The following SHTN1 variants were observed in gnomAD, a reference collection of about 807,000 sequenced individuals.
SHTN1 encodes the protein shootin 1.
Under a neutral mutation model 83.1 loss-of-function variants are expected in SHTN1, and 42 were observed. That is an observed-to-expected ratio of 0.51 (90% CI 0.39 to 0.65). The LOEUF (loss-of-function observed/expected upper bound fraction) is 0.65, where lower values mean the gene tolerates loss of function less well. Ranked by LOEUF, SHTN1 falls within the 30% of genes least tolerant of loss-of-function variation. The pLI is 0.00. For missense variants in SHTN1, 622 were observed against 737.8 expected, an observed-to-expected ratio of 0.84 and a Z score of 1.82; for synonymous variants, 224 against 247.7, an observed-to-expected ratio of 0.90 and a Z score of 0.90.
intron 2 of SHTN1, among the ~76,000 whole-genome samples, chr10:117,021,364 C>A (rs1027320212): frequency 6.6e-6 from 1 of 152,086 alleles, no homozygotes; most frequent in Admixed American, 6.6e-5. Flanking sequence ...GAGATCATGC[C>A]ACTGCACTCC....
At chr10:116,904,437 C>CT (rs779336840) in intron 15 of SHTN1, among the ~76,000 whole-genome samples, 4,331 of 144,714 alleles carry the variant, frequency 0.03, 90 homozygotes, top group African/African-American at 0.049. Flanking sequence ...TGTTTCCTTC[C>CT]TTTTTTTTTT....
intron 1 of SHTN1, among the ~76,000 whole-genome samples, chr10:117,118,053 C>T (rs1198351122): frequency 6.6e-6 from 1 of 152,012 alleles, no homozygotes; most frequent in East Asian, 1.9e-4. Context: ...TTACATTGAG[C>T]TAAAAAGCTT....
chr10:117,023,847 T>C (rs1327088288), intron 2 of SHTN1: 1 of 152,702 alleles, frequency 6.5e-6, no homozygotes. Context: ...TGTAGTTATA[T>C]ACGTATTTCC....
At chr10:116,904,437 CT>C (rs779336840) in intron 15 of SHTN1, among the ~76,000 whole-genome samples, 217 of 144,672 alleles carry the variant, frequency 1.5e-3, no homozygotes, top group Middle Eastern at 3.6e-3. Flanking sequence ...TGTTTCCTTC[CT>C]TTTTTTTTTT....
chr10:117,011,870 G>A (rs1589894859), intron 2 of SHTN1, among the ~76,000 whole-genome samples: 1 of 152,138 alleles, frequency 6.6e-6, no homozygotes, highest in East Asian at 1.9e-4. Context: ...GCGGGGCGCG[G>A]TGGCTCACGC....
chr10:116,934,354 A>C (rs1849077687), intron 9 of SHTN1, among the ~76,000 whole-genome samples: 1 of 152,210 alleles, frequency 6.6e-6, no homozygotes, highest in Non-Finnish European at 1.5e-5. Context: ...GATTTACGTA[A>C]GGAAGAGGTC....
chr10:116,945,585 A>G (rs1232045128), intron 7 of SHTN1, among the ~76,000 whole-genome samples: 1 of 152,222 alleles, frequency 6.6e-6, no homozygotes, highest in East Asian at 1.9e-4. Flanking sequence ...AAAGATGCTC[A>G]TCTTCATTAG....
chr10:117,086,236 C>T (rs984211253), intron 1 of SHTN1, among the ~76,000 whole-genome samples: 29 of 152,144 alleles, frequency 1.9e-4, no homozygotes, highest in African/African-American at 3.9e-4. Flanking sequence ...CGCGCCCGGC[C>T]GTCTGAAATT....
At chr10:116,920,492 C>G (rs1391856758) in intron 12 of SHTN1, among the ~76,000 whole-genome samples, 1 of 152,164 alleles carries the variant, frequency 6.6e-6, no homozygotes, top group Non-Finnish European at 1.5e-5. Context: ...TCTCTCTACC[C>G]CTGCTGCTAC....
At chr10:117,031,656 A>G (rs1276835150) in intron 2 of SHTN1, among the ~76,000 whole-genome samples, 1 of 152,190 alleles carries the variant, frequency 6.6e-6, no homozygotes, top group Non-Finnish European at 1.5e-5. Flanking sequence ...TATTTATGCA[A>G]ACAGGGTTAA....
chr10:117,070,731 T>G, intron 1 of SHTN1, among the ~76,000 whole-genome samples: 1 of 150,276 alleles, frequency 6.7e-6, no homozygotes, highest in South Asian at 2.1e-4. Flanking sequence ...AAGAGATCAG[T>G]TTGGCGGTAA....
intron 2 of SHTN1, chr10:116,973,800 C>G: frequency 9.2e-7 from 1 of 1,091,322 alleles, no homozygotes; most frequent in Non-Finnish European, 1.2e-6. Context: ...CCAGTTACAA[C>G]AGTTAAAGAT....
chr10:117,051,119 A>G (rs941904221), intron 1 of SHTN1, among the ~76,000 whole-genome samples: 3 of 152,184 alleles, frequency 2.0e-5, no homozygotes, highest in Non-Finnish European at 2.9e-5. Flanking sequence ...AAGGGAATAC[A>G]ATAAACTACT....
chr10:117,052,350 C>A (rs533352456), intron 1 of SHTN1, among the ~76,000 whole-genome samples: 26 of 152,054 alleles, frequency 1.7e-4, no homozygotes, highest in African/African-American at 6.0e-4. Flanking sequence ...TGGCAGTGTT[C>A]CCCAAAGCTA....
rs779722320 is a variant in SHTN1, at chr10:116,911,567, G to A, written c.1359+223C>T. The A allele has an allele frequency of 1.7e-5, 27 of 1,550,766 alleles. No homozygotes were observed. In the South Asian group the frequency reaches 3.1e-4, roughly 18 times the overall value. Reference sequence around the variant, plus strand: ...ACAGGAAACAATGACTTTGGTGAAAGTGTAACCACTCTTTTAGAACAAAAA... The same window carrying A: ...ACAGGAAACAATGACTTTGGTGAAAATGTAACCACTCTTTTAGAACAAAAA... On this transcript the variant is annotated intron_variant, in intron 14 of 16. Transcript: ENST00000355371.
chr10:117,013,959 A>C lies in SHTN1; in HGVS notation c.-123+34486T>G, dbSNP rs577270766. Among the ~76,000 whole-genome samples the C allele has an allele frequency of 1.4e-4, 22 of 152,320 alleles. 2 individuals carry two copies. The highest frequency in any genetic ancestry group is 5.3e-4 in the African/African-American group (22 of 41,566). ...TTTTTCCATAAAATGGAATATATAC[A>C]TCAATTTTAAAAGAATGAGCTACTG... On this transcript the variant is annotated intron_variant, in intron 2 of 17. Transcript: ENST00000392901.
chr10:117,049,824 A>C (rs554266935), intron 1 of SHTN1, among the ~76,000 whole-genome samples: 1 of 152,326 alleles, frequency 6.6e-6, no homozygotes. Flanking sequence ...TTTCGGTATG[A>C]AAATACACAT....
In SHTN1 at chr10:116,956,417, A is replaced by G. The variant is rs11197855; in HGVS notation, c.268-2207T>C. ...TCTCATCAGTAAACTAAGAATTAAG[A>G]TAGTCTGTATCCCACAATATGATGA... is the stretch of plus-strand genomic sequence containing the variant. On this transcript the variant is annotated intron_variant, in intron 4 of 16. Transcript: ENST00000355371. 9.0e-4 allele frequency among the ~76,000 whole-genome samples: 137 copies of G among 152,338 alleles called. 2 individuals are homozygous for G. The East Asian group carries it at 0.022, about 25-fold the overall frequency.
At chr10:117,064,027 C>T (rs1852936649) in intron 1 of SHTN1, among the ~76,000 whole-genome samples, 1 of 152,148 alleles carries the variant, frequency 6.6e-6, no homozygotes, top group Admixed American at 6.5e-5. Context: ...AACTGAATAA[C>T]TTTATGAAAA....
Sources: allele counts gnomAD v4.1 joint callset (sites outside exome capture counted in the v4.1 genomes callset), GRCh38; gene constraint gnomAD v4.1.1; transcripts MANE v1.5; gene names NCBI Gene and HGNC (gene_info 2026-07-23, HGNC 2026-07-21).